WWC2: variants seen among roughly 807,000 people sequenced by gnomAD.
WWC2 encodes the protein protein WWC2.
Under a neutral mutation model 138.5 loss-of-function variants are expected in WWC2, and 101 were observed. The ratio of observed to expected loss-of-function variants is 0.73; its 90% confidence interval spans 0.62 to 0.86. The LOEUF (loss-of-function observed/expected upper bound fraction) is 0.86. Among genes scored for constraint, WWC2 ranks in the 40% least tolerant of loss-of-function variants. The pLI, the probability that WWC2 is intolerant of heterozygous loss-of-function variation, is 0.00. For missense variants in WWC2, 1,420 were observed against 1,419.4 expected, an observed-to-expected ratio of 1.00 and a Z score of -0.01; for synonymous variants, 558 against 538.4, an observed-to-expected ratio of 1.04 and a Z score of -0.50.
rs1483080981 is a variant in WWC2 at position 183,261,331 on chromosome 4, A to G, written c.1708A>G (p.Met570Val). Reference protein sequence around the residue: ...SPLVLEGTFPMSSSHDASLHQ... With the variant: ...SPLVLEGTFPVSSSHDASLHQ... ...CTTGGTTTTGGAAGGCACGTTTCCC[A>G]TGTCTTCTTCTCATGATGCCTCTCT... The change falls in exon 11 of 23, where the codon ATG becomes GTG. Residue 570 changes from methionine to valine, a missense_variant. Physicochemically the swap from Met to Val is conservative, Grantham distance 21. Coordinates refer to ENST00000403733, the MANE Select transcript of WWC2 (RefSeq NM_024949.6). 2 of 1,613,440 alleles carry G rather than the reference A, an allele frequency of 1.2e-6. No homozygotes were observed. Among genetic ancestry groups the G allele is most frequent in the Admixed American group, 1.7e-5 (1 of 59,978 alleles).
At chr4:183,306,825 C>A (rs192324952) in intron 21 of WWC2, among the ~76,000 whole-genome samples, 93 of 135,580 alleles carry the variant, frequency 6.9e-4, no homozygotes, top group African/African-American at 2.5e-3. Context: ...CTGTGCCCGA[C>A]CAGGATAACA....
chr4:183,120,035 C>T (rs973336298), intron 1 of WWC2, among the ~76,000 whole-genome samples: 1 of 152,124 alleles, frequency 6.6e-6, no homozygotes, highest in African/African-American at 2.4e-5. Context: ...CTGGTTTCAT[C>T]AAGACATCAG....
intron 1 of WWC2, among the ~76,000 whole-genome samples, chr4:183,103,017 C>T (rs1743228713): frequency 6.6e-6 from 1 of 152,048 alleles, no homozygotes; most frequent in Admixed American, 6.6e-5. Context: ...TAGAATTTTG[C>T]TCATTTTCTA....
chr4:183,159,866 A>T (rs984931896), intron 1 of WWC2, among the ~76,000 whole-genome samples: 2 of 152,022 alleles, frequency 1.3e-5, no homozygotes, highest in Non-Finnish European at 2.9e-5. Flanking sequence ...CAGTGTAGGG[A>T]TCTGCTTTTC....
intron 1 of WWC2, among the ~76,000 whole-genome samples, chr4:183,146,826 G>C (rs1395844054): frequency 6.6e-6 from 1 of 152,246 alleles, no homozygotes. Flanking sequence ...CAGCTGGGCA[G>C]TTGAAGGATC....
chr4:183,280,249 T>TTC (rs1321474457), intron 16 of WWC2, among the ~76,000 whole-genome samples: 2 of 148,680 alleles, frequency 1.3e-5, no homozygotes, highest in Non-Finnish European at 3.0e-5. Flanking sequence ...TTTTTTTTTT[T>TTC]TTTTTGCTTT....
chr4:183,190,166 T>C (rs948889465), intron 1 of WWC2, among the ~76,000 whole-genome samples: 2 of 152,174 alleles, frequency 1.3e-5, no homozygotes, highest in Non-Finnish European at 2.9e-5. Context: ...TTTGTTGTTA[T>C]TGTTGTTGTT....
chr4:183,178,644 A>G (rs1205844628), intron 1 of WWC2, among the ~76,000 whole-genome samples: 1 of 151,900 alleles, frequency 6.6e-6, no homozygotes, highest in Non-Finnish European at 1.5e-5. Context: ...CTTCCCCACA[A>G]GCTATTAAGG....
At chr4:183,138,164 A>C (rs1188437773) in intron 1 of WWC2, among the ~76,000 whole-genome samples, 1 of 152,172 alleles carries the variant, frequency 6.6e-6, no homozygotes, top group African/African-American at 2.4e-5. Context: ...TATTGATTTT[A>C]TGAATTCTTG....
At chr4:183,225,771 G>A (rs1395550397) in intron 4 of WWC2, among the ~76,000 whole-genome samples, 1 of 152,148 alleles carries the variant, frequency 6.6e-6, no homozygotes, top group Non-Finnish European at 1.5e-5. Flanking sequence ...ACTATTCTAG[G>A]CAGTGAGATG....
chr4:183,309,247 C>T (rs930069392), intron 21 of WWC2, among the ~76,000 whole-genome samples: 15 of 152,004 alleles, frequency 9.9e-5, no homozygotes, highest in African/African-American at 1.7e-4. Flanking sequence ...AGCTGGACTT[C>T]GTTATAATTT....
At chr4:183,149,184 C>T (rs1733562246) in intron 1 of WWC2, among the ~76,000 whole-genome samples, 2 of 152,048 alleles carry the variant, frequency 1.3e-5, no homozygotes, top group South Asian at 4.1e-4. Context: ...TAGAACTTTG[C>T]CAGCCACCCC....
chr4:183,245,877 G>C (rs1736761889), intron 6 of WWC2, among the ~76,000 whole-genome samples: 1 of 152,198 alleles, frequency 6.6e-6, no homozygotes, highest in African/African-American at 2.4e-5. Context: ...TGAGTCCCCA[G>C]TAAGCAGAAT....
rs1030150430 is a variant in WWC2 at position 183,319,984 on chromosome 4, C to T, written c.*4255C>T. The T allele has an allele frequency of 6.2e-7, 1 of 1,613,610 alleles. No homozygotes were observed. Among genetic ancestry groups the T allele is most frequent in the African/African-American group, 1.3e-5 (1 of 74,846 alleles). ...GACAGAAACATTAAGATCCTGGAGACCCTGAGTTCAGCAGGCAAAGCCAGG... is the reference window on the plus strand; with the variant it reads ...GACAGAAACATTAAGATCCTGGAGATCCTGAGTTCAGCAGGCAAAGCCAGG... On this transcript the variant is annotated 3_prime_UTR_variant, in exon 23 of 23. Transcript: ENST00000403733.
chr4:183,270,205 T>A (rs1242015641), intron 15 of WWC2, among the ~76,000 whole-genome samples: 5 of 152,196 alleles, frequency 3.3e-5, no homozygotes, highest in Non-Finnish European at 5.9e-5. Flanking sequence ...GTATAATAGA[T>A]GTCAGAGGCT....
At chr4:183,148,519 G>A (rs1336420290) in intron 1 of WWC2, among the ~76,000 whole-genome samples, 1 of 152,122 alleles carries the variant, frequency 6.6e-6, no homozygotes, top group Non-Finnish European at 1.5e-5. Context: ...GTTCCCTGCT[G>A]CCTTCCCCAT....
intron 15 of WWC2, 86 bp from the exon 16 acceptor site, chr4:183,270,994 C>T: frequency 8.3e-7 from 1 of 1,201,242 alleles, no homozygotes; most frequent in East Asian, 2.9e-5. Flanking sequence ...ATTCAATAAT[C>T]TTTATTATAT....
intron 1 of WWC2, among the ~76,000 whole-genome samples, chr4:183,140,230 A>G (rs1424296672): frequency 6.6e-6 from 1 of 152,260 alleles, no homozygotes; most frequent in Non-Finnish European, 1.5e-5. Flanking sequence ...TCAGGAATGT[A>G]CAGTGGGGAG....
At chr4:183,196,733 ACT>A (rs1735153861) in intron 2 of WWC2, among the ~76,000 whole-genome samples, 1 of 151,824 alleles carries the variant, frequency 6.6e-6, no homozygotes, top group South Asian at 2.1e-4. Flanking sequence ...TAGCCTGAGC[ACT>A]CTCTGCACAG....
Sources: gnomAD v4.1 joint callset for allele counts (sites outside exome capture counted in the v4.1 genomes callset) on GRCh38, gnomAD v4.1.1 for gene constraint, MANE v1.5 for transcripts, NCBI Gene and HGNC (gene_info 2026-07-23, HGNC 2026-07-21) for gene names.